MARCHF10: variants seen among roughly 807,000 people sequenced by gnomAD.
MARCHF10 encodes the protein probable E3 ubiquitin-protein ligase MARCHF10.
MARCHF10 carries 64 observed loss-of-function variants against 76.2 expected under a neutral mutation model. The observed-to-expected ratio is 0.84, with a 90% CI of 0.69 to 1.03. The LOEUF (loss-of-function observed/expected upper bound fraction) is 1.03. Ranked by LOEUF, MARCHF10 falls within the 50% of genes least tolerant of loss-of-function variation. MARCHF10 has a pLI of 0.00. For synonymous variants in MARCHF10, 340 were observed against 357.5 expected, an observed-to-expected ratio of 0.95 and a Z score of 0.55; for missense variants, 875 against 958.0, an observed-to-expected ratio of 0.91 and a Z score of 1.14.
intron 8 of MARCHF10, among the ~76,000 whole-genome samples, chr17:62,720,612 C>T (rs1041303449): frequency 6.6e-6 from 1 of 152,168 alleles, no homozygotes; most frequent in African/African-American, 2.4e-5. Flanking sequence ...TACTTTCCCC[C>T]TCCCCCTGCT....
rs2092857755 is a variant in MARCHF10 at position 62,792,302 on chromosome 17, G to T, written c.91-3703C>A. ...GGTAAACACGACAATCCCCAGCTCT[G>T]CCACTTTCTAACATAGTGACCTTGG... On this transcript the variant is annotated intron_variant, in intron 2 of 10. Coordinates refer to ENST00000311269, the MANE Select transcript of MARCHF10 (RefSeq NM_152598.4). 2.0e-5 allele frequency among the ~76,000 whole-genome samples: 3 copies of T among 151,938 alleles called. No individual in the cohort carries two copies. In the South Asian group the frequency reaches 6.2e-4, roughly 32 times the overall value.
chr17:62,767,613 G>T (rs2092363553), intron 3 of MARCHF10, among the ~76,000 whole-genome samples: 1 of 151,874 alleles, frequency 6.6e-6, no homozygotes, highest in South Asian at 2.1e-4. Flanking sequence ...ACCACGTCTG[G>T]CTAATTTTTG....
At chr17:62,718,975 G>C (rs986968794) in intron 8 of MARCHF10, among the ~76,000 whole-genome samples, 1 of 151,500 alleles carries the variant, frequency 6.6e-6, no homozygotes, top group African/African-American at 2.4e-5. Flanking sequence ...CTTCATTCTT[G>C]TCAATATTTT....
intron 4 of MARCHF10, among the ~76,000 whole-genome samples, chr17:62,753,934 G>A (rs8069607): frequency 0.52 from 78,243 of 151,626 alleles, 21,215 homozygotes; most frequent in East Asian, 0.7. Context: ...GAGTACACCA[G>A]TTCGCCCTGG....
At chr17:62,766,541 T>C (rs2092337038) in intron 3 of MARCHF10, among the ~76,000 whole-genome samples, 1 of 152,008 alleles carries the variant, frequency 6.6e-6, no homozygotes, top group African/African-American at 2.4e-5. Context: ...TAAAATGCGG[T>C]GTTTAATAGT....
chr17:62,783,028 C>T (rs1313046036), intron 3 of MARCHF10, among the ~76,000 whole-genome samples: 3 of 152,000 alleles, frequency 2.0e-5, no homozygotes, highest in African/African-American at 7.3e-5. Flanking sequence ...GAAGATGAGG[C>T]CTTGATGACA....
intron 2 of MARCHF10, among the ~76,000 whole-genome samples, chr17:62,794,114 A>T (rs2092943571): frequency 1.5e-5 from 2 of 132,730 alleles, no homozygotes; most frequent in East Asian, 2.2e-4. Flanking sequence ...ATCAACCACC[A>T]CCACCACCTC....
chr17:62,793,112 CCTCCATCACTATCACCACAACCAT>C (rs2148152664), intron 2 of MARCHF10, among the ~76,000 whole-genome samples: 1 of 147,572 alleles, frequency 6.8e-6, no homozygotes, highest in African/African-American at 2.5e-5. Context: ...ACCACCATCA[CCTCCATCACTATCACCACAACCAT>C]CACCACCATC....
chr17:62,746,959 C>T, intron 4 of MARCHF10: 2 of 1,536,122 alleles, frequency 1.3e-6, no homozygotes, highest in Non-Finnish European at 1.7e-6. Flanking sequence ...GTTTATTCCA[C>T]CAAGTCGGCT....
At chr17:62,726,022 GT>G (rs1038244644) in intron 6 of MARCHF10, 2 of 152,222 alleles carry the variant, frequency 1.3e-5, no homozygotes, top group African/African-American at 4.8e-5. Context: ...ATAGATGTTG[GT>G]TTAGGTGGAT....
At position 62,725,063 on chromosome 17, in the gene MARCHF10, C is replaced by G. The variant is rs201985074; in HGVS notation, c.1979G>C (p.Arg660Pro). 1 of 1,604,282 alleles carries G rather than the reference C, an allele frequency of 6.2e-7. No homozygotes were observed. Among genetic ancestry groups the G allele is most frequent in the Admixed American group, 1.7e-5 (1 of 57,330 alleles). The change falls in exon 7 of 11, where the codon CGC becomes CCC. Residue 660 changes from arginine to proline, a missense_variant. Arg to Pro is a moderately radical substitution (Grantham distance 103, BLOSUM62 -2). Transcript: ENST00000311269. ...GGAACCCCCGGCTATCTGACAGATG[C>G]GACACAAGTCTCCCTCCTCCTCGGA... is the stretch of plus-strand genomic sequence containing the variant. ...EDSEEEGDLCRICQIAGGSPS... is the reference protein window; with the variant it reads ...EDSEEEGDLCPICQIAGGSPS...
chr17:62,706,974 C>T (rs1226587436), intron 9 of MARCHF10, among the ~76,000 whole-genome samples: 7 of 152,134 alleles, frequency 4.6e-5, no homozygotes, highest in South Asian at 4.1e-4. Context: ...AGATGCTCCC[C>T]GATGGGAGGA....
At chr17:62,789,069 CAAAAAAAAAAA>C (rs34556672) in intron 2 of MARCHF10, among the ~76,000 whole-genome samples, 1 of 36,892 alleles carries the variant, frequency 2.7e-5, no homozygotes, top group Non-Finnish European at 5.0e-5. Flanking sequence ...GACTCCGTCT[CAAAAAAAAAAA>C]AAAAAAAAAA....
intron 9 of MARCHF10, 78 bp from the exon 10 acceptor site, chr17:62,705,659 A>T: frequency 6.4e-7 from 1 of 1,558,170 alleles, no homozygotes; most frequent in Non-Finnish European, 8.8e-7. Flanking sequence ...TCCTAGTCGC[A>T]GCAACGTTCT....
chr17:62,790,129 T>G (rs865789390), intron 2 of MARCHF10, among the ~76,000 whole-genome samples: 4 of 152,094 alleles, frequency 2.6e-5, no homozygotes, highest in Non-Finnish European at 5.9e-5. Flanking sequence ...GAGGATATCA[T>G]GTACTATGGA....
chr17:62,787,822 A>G (rs2148115434), intron 3 of MARCHF10, among the ~76,000 whole-genome samples: 1 of 152,288 alleles, frequency 6.6e-6, no homozygotes, highest in Admixed American at 6.5e-5. Context: ...AAATAAGCTA[A>G]TATGTATAAA....
At chr17:62,744,584 A>G (rs2091636817) in intron 4 of MARCHF10, 56 bp from the exon 5 acceptor site, 1 of 1,593,350 alleles carries the variant, frequency 6.3e-7, no homozygotes, top group South Asian at 1.1e-5. Flanking sequence ...AATGTCTTCC[A>G]TATAAAGAAC....
At chr17:62,795,037 A>G (rs949916234) in intron 2 of MARCHF10, 2 of 985,354 alleles carry the variant, frequency 2.0e-6, no homozygotes, top group South Asian at 9.4e-5. Context: ...GTGAGCCAGG[A>G]GGAGAATCCC....
chr17:62,788,599 C>G lies in MARCHF10; in HGVS notation c.91G>C (p.Ala31Pro). ...MQHKVDSEYQ[A>P]CLRRQEYRRD... ...CTATATTCCTGTCGTCTCAGACAAG[C>G]CTGAAGAACAACAACAATAAAATGT... The change falls in exon 3 of 11, where the codon GCT (alanine) becomes CCT (proline). Residue 31 changes from alanine to proline, a missense_variant and splice_region_variant. Coordinates refer to ENST00000311269, the MANE Select transcript of MARCHF10 (RefSeq NM_152598.4). The G allele has an allele frequency of 6.2e-7, 1 of 1,613,986 alleles. No individual in the cohort carries two copies. Among genetic ancestry groups the G allele is most frequent in the Non-Finnish European group, 8.5e-7 (1 of 1,179,996 alleles).
Sources: allele counts gnomAD v4.1 joint callset (sites outside exome capture counted in the v4.1 genomes callset), GRCh38; gene constraint gnomAD v4.1.1; transcripts MANE v1.5; gene names NCBI Gene and HGNC (gene_info 2026-07-23, HGNC 2026-07-21).